Variants in GRIP1 observed in about 807,000 individuals in gnomAD.
GRIP1 encodes the protein glutamate receptor interacting protein 1, also known as glutamate receptor-interacting protein 1.
GRIP1 carries 45 observed loss-of-function variants against 129.9 expected under a neutral mutation model. The ratio of observed to expected loss-of-function variants is 0.35; its 90% CI spans 0.27 to 0.44. The LOEUF (loss-of-function observed/expected upper bound fraction) is 0.44, where lower values mean the gene tolerates loss of function less well. Among genes scored for constraint, GRIP1 ranks in the 20% least tolerant of loss-of-function variants. The pLI, the probability that GRIP1 is intolerant of heterozygous loss-of-function variation, is 1.00. For missense variants in GRIP1, 1,196 were observed against 1,396.8 expected, an observed-to-expected ratio of 0.86 and a Z score of 2.29; for synonymous variants, 530 against 520.8, an observed-to-expected ratio of 1.02 and a Z score of -0.24.
intron 1 of GRIP1, among the ~76,000 whole-genome samples, chr12:66,713,795 C>G (rs1049478878): frequency 1.3e-5 from 2 of 152,038 alleles, no homozygotes; most frequent in African/African-American, 4.8e-5. Context: ...ACTGGCCTAG[C>G]AGCTCTGTCA....
intron 1 of GRIP1, among the ~76,000 whole-genome samples, chr12:66,715,454 G>A (rs1284067364): frequency 7.6e-6 from 1 of 130,984 alleles, no homozygotes; most frequent in African/African-American, 2.9e-5. Flanking sequence ...GTAGCTTGAT[G>A]TGTGTGTGTG....
At chr12:67,057,105 C>T (rs559116160) in intron 1 of GRIP1, among the ~76,000 whole-genome samples, 83 of 152,190 alleles carry the variant, frequency 5.5e-4, no homozygotes, top group East Asian at 1.2e-3. Flanking sequence ...CGTGAGCCAC[C>T]GTGCCTGGCC....
intron 7 of GRIP1, among the ~76,000 whole-genome samples, chr12:66,483,550 T>C (rs531869780): frequency 2.0e-5 from 3 of 152,360 alleles, no homozygotes; most frequent in African/African-American, 7.2e-5. Context: ...TGTTTAATTA[T>C]TGACTCCCAC....
intron 1 of GRIP1, among the ~76,000 whole-genome samples, chr12:66,981,046 C>G (rs770426972): frequency 6.6e-6 from 1 of 152,152 alleles, no homozygotes; most frequent in African/African-American, 2.4e-5. Context: ...ATTTAAAAGG[C>G]CTTCTATTCC....
intron 7 of GRIP1, among the ~76,000 whole-genome samples, chr12:66,509,270 A>G (rs572406280): frequency 1.3e-5 from 2 of 152,286 alleles, no homozygotes; most frequent in African/African-American, 4.8e-5. Flanking sequence ...AGCCAATTAA[A>G]TTTCTTGGTA....
At chr12:66,386,914 CTT>C (rs2056382696) in intron 19 of GRIP1, among the ~76,000 whole-genome samples, 1 of 152,220 alleles carries the variant, frequency 6.6e-6, no homozygotes, top group African/African-American at 2.4e-5. Context: ...ACAGTTCTCT[CTT>C]CTCTCAGAAA....
intron 1 of GRIP1, among the ~76,000 whole-genome samples, chr12:66,783,811 T>A (rs1323154554): frequency 6.6e-6 from 1 of 152,000 alleles, no homozygotes; most frequent in Admixed American, 6.5e-5. Flanking sequence ...TATGAAAAAA[T>A]TCAGATAAGA....
intron 1 of GRIP1, among the ~76,000 whole-genome samples, chr12:66,654,119 T>C (rs377127722): frequency 1.2e-4 from 18 of 152,076 alleles, no homozygotes; most frequent in East Asian, 9.7e-4. Context: ...GCACCAAACA[T>C]AGGTGATAGA....
chr12:66,396,112 G>A (rs2056777227), intron 16 of GRIP1, among the ~76,000 whole-genome samples: 1 of 152,280 alleles, frequency 6.6e-6, no homozygotes, highest in African/African-American at 2.4e-5. Context: ...AGTAGTCCCT[G>A]GCACAGTTGA....
In GRIP1 at chr12:66,872,564, T is replaced by C. The variant is rs918034311; in HGVS notation, c.58+196486A>G. On this transcript the variant is annotated intron_variant, in intron 1 of 1. Transcript: ENST00000643019. ...TTCCAGGAAGCCAGGGATTCGTATC[T>C]ACTACAAAAGGTGGTACAGGCACCA... is the stretch of plus-strand genomic sequence containing the variant. 2.6e-5 allele frequency among the ~76,000 whole-genome samples: 4 copies of C among 152,032 alleles called. No individual in the cohort carries two copies. The East Asian group carries it at 7.7e-4, about 29-fold the overall frequency.
intron 1 of GRIP1, among the ~76,000 whole-genome samples, chr12:67,016,612 C>T (rs1389978458): frequency 6.6e-6 from 1 of 152,024 alleles, no homozygotes; most frequent in East Asian, 1.9e-4. Flanking sequence ...TTTATCTTAA[C>T]TAGAGTTAAG....
intron 20 of GRIP1, among the ~76,000 whole-genome samples, 194 bp downstream of exon 20, chr12:66,379,086 C>G (rs2055969028): frequency 6.6e-6 from 1 of 152,212 alleles, no homozygotes; most frequent in Non-Finnish European, 1.5e-5. Flanking sequence ...CAGCTCTTGC[C>G]CTGTTGTGTG....
At chr12:66,355,011 C>T (rs746565712) in intron 23 of GRIP1, among the ~76,000 whole-genome samples, 12 of 152,154 alleles carry the variant, frequency 7.9e-5, no homozygotes, top group Non-Finnish European at 1.5e-4. Context: ...TGTGAGACTC[C>T]AGACACCAAG....
chr12:66,765,368 A>G (rs950863815), intron 1 of GRIP1, among the ~76,000 whole-genome samples: 2 of 152,230 alleles, frequency 1.3e-5, no homozygotes, highest in Non-Finnish European at 2.9e-5. Flanking sequence ...CAAAGCTCTC[A>G]TCTTCCTTCA....
chr12:66,409,232 C>A (rs1393052449), intron 15 of GRIP1, among the ~76,000 whole-genome samples: 3 of 152,246 alleles, frequency 2.0e-5, no homozygotes, highest in East Asian at 3.9e-4. Context: ...CCTAGTACCA[C>A]GTTGGCTTCA....
chr12:66,887,499 A>G (rs553389363), intron 1 of GRIP1, among the ~76,000 whole-genome samples: 1 of 152,162 alleles, frequency 6.6e-6, no homozygotes, highest in African/African-American at 2.4e-5. Context: ...TAGTACTGTT[A>G]TCATTTCTAG....
At chr12:66,613,459 G>T (rs1385861375) in intron 1 of GRIP1, among the ~76,000 whole-genome samples, 1 of 152,038 alleles carries the variant, frequency 6.6e-6, no homozygotes, top group Admixed American at 6.6e-5. Context: ...GTTCAGTTCA[G>T]AATTTTAATT....
At chr12:66,522,240 G>T (rs1219995498) in intron 5 of GRIP1, among the ~76,000 whole-genome samples, 1 of 152,226 alleles carries the variant, frequency 6.6e-6, no homozygotes. Context: ...GACTAACTGG[G>T]AGGCACCCCC....
In GRIP1 at chr12:66,676,362, G is replaced by A. The variant is rs140284842; in HGVS notation, c.55+2488C>T. On this transcript the variant is annotated intron_variant, in intron 1 of 24. Transcript: ENST00000359742. ...AGAAAATTAAGAAGAAATTGCAATT[G>A]CCATATTGCTTTTTCTTGTGGGTGA... Among the ~76,000 whole-genome samples the A allele has an allele frequency of 1.2e-3, 182 of 152,184 alleles. 2 individuals are homozygous for A. The East Asian group carries it at 0.029, about 24-fold the overall frequency.
Sources: allele counts gnomAD v4.1 joint callset (sites outside exome capture counted in the v4.1 genomes callset), GRCh38; gene constraint gnomAD v4.1.1; transcripts MANE v1.5; gene names NCBI Gene and HGNC (gene_info 2026-07-23, HGNC 2026-07-21).